MAP3K7CL: variants seen among roughly 807,000 people sequenced by gnomAD.
MAP3K7CL encodes MAP3K7 C-terminal like, also known as MAP3K7 C-terminal-like protein.
A neutral mutation model predicts 18.6 loss-of-function variants in MAP3K7CL; 16 were observed. That is an observed-to-expected ratio of 0.86 (90% CI 0.58 to 1.31). MAP3K7CL has a LOEUF of 1.31. Among genes scored for constraint, MAP3K7CL ranks in the 50% most tolerant of loss-of-function variants. The pLI is 0.00. For missense variants in MAP3K7CL, 163 were observed against 174.4 expected, an observed-to-expected ratio of 0.93 and a Z score of 0.37; for synonymous variants, 65 against 66.8, an observed-to-expected ratio of 0.97 and a Z score of 0.13.
chr21:29,106,273 G>T (rs2146544948), intron 4 of MAP3K7CL, among the ~76,000 whole-genome samples: 1 of 152,112 alleles, frequency 6.6e-6, no homozygotes, highest in South Asian at 2.1e-4. Flanking sequence ...CACAACCTCT[G>T]CCTCCCGGGT....
intron 4 of MAP3K7CL, among the ~76,000 whole-genome samples, chr21:29,108,212 G>C (rs948406166): frequency 1.3e-5 from 2 of 152,128 alleles, no homozygotes; most frequent in Non-Finnish European, 2.9e-5. Flanking sequence ...ACCCTGATCA[G>C]ATAGGCTTAG....
intron 2 of MAP3K7CL, among the ~76,000 whole-genome samples, chr21:29,138,434 T>C (rs2086930496): frequency 6.6e-6 from 1 of 152,214 alleles, no homozygotes; most frequent in South Asian, 2.1e-4. Flanking sequence ...CTTGGGTTAT[T>C]CAAGAATCAC....
At chr21:29,173,827 G>A (rs887297799) in intron 4 of MAP3K7CL, among the ~76,000 whole-genome samples, 2 of 152,054 alleles carry the variant, frequency 1.3e-5, no homozygotes, top group Admixed American at 6.6e-5. Flanking sequence ...ACAGCCTCCC[G>A]AGTAGCTGGA....
intron 4 of MAP3K7CL, among the ~76,000 whole-genome samples, chr21:29,116,674 TA>T (rs1217925178): frequency 6.6e-6 from 1 of 152,226 alleles, no homozygotes; most frequent in East Asian, 1.9e-4. Context: ...TTTTTCTTGA[TA>T]AACAGGGAAT....
intron 4 of MAP3K7CL, among the ~76,000 whole-genome samples, chr21:29,103,764 G>A (rs1324186056): frequency 1.3e-5 from 2 of 151,060 alleles, no homozygotes; most frequent in African/African-American, 2.4e-5. Flanking sequence ...CAGGCATGAT[G>A]TTATGCACCT....
chr21:29,099,140 G>C (rs2086175142), intron 4 of MAP3K7CL, among the ~76,000 whole-genome samples: 1 of 151,960 alleles, frequency 6.6e-6, no homozygotes, highest in Non-Finnish European at 1.5e-5. Flanking sequence ...CCCCAGGCTG[G>C]AGTTCAGTGG....
At chr21:29,161,545 T>G (rs1479975891) in intron 4 of MAP3K7CL, among the ~76,000 whole-genome samples, 3 of 152,076 alleles carry the variant, frequency 2.0e-5, no homozygotes, top group Non-Finnish European at 2.9e-5. Context: ...TGATTATTAT[T>G]TTCATTAATA....
Position 29,147,544 on chromosome 21 carries a change from G to A in MAP3K7CL, c.71-1645G>A, listed in dbSNP as rs11910381. On this transcript the variant is annotated intron_variant, in intron 2 of 4. Transcript: ENST00000399928. ...CTGTATCTCTATTATATATGTATATGTGTACTGTATCTGTATTGTATATGT... is the reference window on the plus strand; with the variant it reads ...CTGTATCTCTATTATATATGTATATATGTACTGTATCTGTATTGTATATGT... Among the ~76,000 whole-genome samples, 901 of 151,706 alleles carry A rather than the reference G, an allele frequency of 5.9e-3. 9 individuals carry two copies. Among genetic ancestry groups the A allele is most frequent in the African/African-American group, 0.021 (861 of 41,388 alleles).
chr21:29,120,657 T>C (rs2086576580), intron 4 of MAP3K7CL, among the ~76,000 whole-genome samples: 1 of 125,568 alleles, frequency 8.0e-6, no homozygotes, highest in South Asian at 2.5e-4. Flanking sequence ...TTGAGTCTCT[T>C]TTCTTTCTTT....
intron 4 of MAP3K7CL, among the ~76,000 whole-genome samples, chr21:29,171,763 C>T (rs1211376060): frequency 1.4e-5 from 2 of 145,276 alleles, no homozygotes; most frequent in African/African-American, 2.6e-5. Flanking sequence ...GCCGACATCA[C>T]GCCACCGCAC....
At chr21:29,113,272 A>G (rs2146566264) in intron 4 of MAP3K7CL, among the ~76,000 whole-genome samples, 1 of 152,128 alleles carries the variant, frequency 6.6e-6, no homozygotes, top group South Asian at 2.1e-4. Flanking sequence ...TAAGATATTT[A>G]TTCTATTAAA....
intron 4 of MAP3K7CL, among the ~76,000 whole-genome samples, chr21:29,160,897 T>A (rs1568969444): frequency 6.6e-6 from 1 of 152,244 alleles, no homozygotes; most frequent in Non-Finnish European, 1.5e-5. Flanking sequence ...AAATTATTGT[T>A]GATGTGTGAA....
chr21:29,144,801 A>G (rs2146670282), intron 2 of MAP3K7CL, among the ~76,000 whole-genome samples: 1 of 152,346 alleles, frequency 6.6e-6, no homozygotes, highest in East Asian at 1.9e-4. Context: ...CAAGTTATGG[A>G]GAAACACAGA....
chr21:29,129,432 T>A (rs1023423896), upstream of MAP3K7CL, among the ~76,000 whole-genome samples: 1 of 152,276 alleles, frequency 6.6e-6, no homozygotes, highest in African/African-American at 2.4e-5. Context: ...GTTGGAATTA[T>A]ACAGCATGTA....
At chr21:29,121,681 C>T (rs1022106450) in intron 4 of MAP3K7CL, among the ~76,000 whole-genome samples, 10 of 151,836 alleles carry the variant, frequency 6.6e-5, no homozygotes, top group African/African-American at 2.2e-4. Flanking sequence ...TTTAGAAATA[C>T]TTCAATGAGT....
intron 4 of MAP3K7CL, among the ~76,000 whole-genome samples, chr21:29,097,742 A>G (rs1190754294): frequency 6.6e-6 from 1 of 152,194 alleles, no homozygotes; most frequent in Non-Finnish European, 1.5e-5. Context: ...TGATGTTTTT[A>G]ATTGGTCAGA....
chr21:29,154,407 A>G (rs1049623451), intron 3 of MAP3K7CL, among the ~76,000 whole-genome samples: 1 of 147,740 alleles, frequency 6.8e-6, no homozygotes, highest in African/African-American at 2.5e-5. Flanking sequence ...TTTTTTTTTA[A>G]CCAAATTGAG....
At chr21:29,174,577 G>T in intron 4 of MAP3K7CL, 135 bp from the exon 5 acceptor site, 2 of 1,066,664 alleles carry the variant, frequency 1.9e-6, no homozygotes, top group Non-Finnish European at 1.3e-6. Flanking sequence ...AAAAGTCATT[G>T]GAGGCAAGTA....
chr21:29,100,783 G>A (rs973668758), intron 4 of MAP3K7CL, among the ~76,000 whole-genome samples: 3 of 137,248 alleles, frequency 2.2e-5, no homozygotes, highest in Non-Finnish European at 4.5e-5. Flanking sequence ...CACGATCTCG[G>A]CTCACTGCAA....
Sources: gnomAD v4.1 joint callset for allele counts (sites outside exome capture counted in the v4.1 genomes callset) on GRCh38, gnomAD v4.1.1 for gene constraint, MANE v1.5 for transcripts, NCBI Gene and HGNC (gene_info 2026-07-23, HGNC 2026-07-21) for gene names.